EYS: variants seen among roughly 807,000 people sequenced by gnomAD.
The protein encoded by EYS is EGF-like photoreceptor maintenance factor, also known as protein eyes shut homolog.
A neutral mutation model predicts 282.1 loss-of-function variants in EYS; 250 were observed. The ratio of observed to expected loss-of-function variants is 0.89; its 90% confidence interval spans 0.80 to 0.98. The LOEUF (loss-of-function observed/expected upper bound fraction) is 0.98, where lower values mean the gene tolerates loss of function less well. Among genes scored for constraint, EYS ranks in the 50% least tolerant of loss-of-function variants. EYS has a pLI of 0.00. For synonymous variants in EYS, 1,355 were observed against 1,282.9 expected, an observed-to-expected ratio of 1.06 and a Z score of -1.20; for missense variants, 4,016 against 3,709.0, an observed-to-expected ratio of 1.08 and a Z score of -2.15.
At chr6:65,546,122 C>A (rs901201704) in intron 2 of EYS, among the ~76,000 whole-genome samples, 2 of 149,652 alleles carry the variant, frequency 1.3e-5, no homozygotes, top group Non-Finnish European at 3.0e-5. Context: ...CAGGCTCAAG[C>A]GATCCTCCAC....
intron 22 of EYS, among the ~76,000 whole-genome samples, chr6:64,768,625 C>G (rs1562181002): frequency 1.3e-5 from 2 of 152,124 alleles, no homozygotes; most frequent in South Asian, 2.1e-4. Flanking sequence ...CAGGGTAGCT[C>G]TCTGATAAAT....
Position 63,819,142 on chromosome 6 carries a change from T to G in EYS, c.7229-12770A>C, listed in dbSNP as rs319917. On this transcript the variant is annotated intron_variant, in intron 36 of 42. Coordinates refer to ENST00000503581, the MANE Select transcript of EYS (RefSeq NM_001142800.2). ...TTGTTTTCTGCTGCATCCTAAGCAC[T>G]TGGAACAGTGCCTGCCCATAGGAGG... is the stretch of plus-strand genomic sequence containing the variant. Among the ~76,000 whole-genome samples the G allele has an allele frequency of 6.3e-3, 957 of 152,316 alleles. 9 individuals carry two copies. Among genetic ancestry groups the G allele is most frequent in the African/African-American group, 0.022 (895 of 41,556 alleles).
intron 26 of EYS, among the ~76,000 whole-genome samples, chr6:64,504,458 C>A (rs1161676471): frequency 6.6e-6 from 1 of 152,152 alleles, no homozygotes; most frequent in Non-Finnish European, 1.5e-5. Flanking sequence ...ACTGCTCATT[C>A]TTTGTTCATT....
intron 26 of EYS, among the ~76,000 whole-genome samples, chr6:64,582,564 A>G (rs1436098936): frequency 6.8e-6 from 1 of 147,810 alleles, no homozygotes; most frequent in African/African-American, 2.5e-5. Context: ...CCTGCAGGCT[A>G]TAGTTTGCCA....
At chr6:64,183,143 C>G (rs1764836594) in intron 31 of EYS, among the ~76,000 whole-genome samples, 1 of 152,138 alleles carries the variant, frequency 6.6e-6, no homozygotes, top group Non-Finnish European at 1.5e-5. Context: ...CATTCTTCTC[C>G]CTCCTGCCAC....
chr6:63,759,495 T>C (rs1049880068), intron 41 of EYS, among the ~76,000 whole-genome samples: 5 of 152,106 alleles, frequency 3.3e-5, no homozygotes, highest in Non-Finnish European at 5.9e-5. Context: ...TAGCAGGTTG[T>C]ACTGAAAAGC....
At chr6:65,399,874 C>T (rs1239338389) in intron 7 of EYS, among the ~76,000 whole-genome samples, 1 of 151,988 alleles carries the variant, frequency 6.6e-6, no homozygotes, top group Non-Finnish European at 1.5e-5. Context: ...TCTGTTTTGG[C>T]TTTGTCTCCT....
At chr6:65,437,128 AC>A (rs1768103745) in intron 5 of EYS, among the ~76,000 whole-genome samples, 1 of 152,178 alleles carries the variant, frequency 6.6e-6, no homozygotes, top group South Asian at 2.1e-4. Flanking sequence ...TCTTTATACT[AC>A]AGAAAATGTT....
intron 22 of EYS, among the ~76,000 whole-genome samples, chr6:64,666,536 C>T (rs188144308): frequency 6.6e-6 from 1 of 152,302 alleles, no homozygotes; most frequent in Admixed American, 6.5e-5. Flanking sequence ...CAACTTCAAT[C>T]ACACACTTCT....
intron 14 of EYS, among the ~76,000 whole-genome samples, chr6:64,963,834 A>G (rs1770007217): frequency 1.3e-5 from 2 of 152,208 alleles, no homozygotes; most frequent in African/African-American, 2.4e-5. Context: ...AATAACATAC[A>G]GCACATATAT....
intron 33 of EYS, among the ~76,000 whole-genome samples, chr6:64,000,163 T>A (rs546969045): frequency 1.6e-4 from 20 of 127,884 alleles, no homozygotes; most frequent in African/African-American, 5.4e-4. Context: ...TCCCAAGACA[T>A]GGGACTTTTT....
intron 31 of EYS, among the ~76,000 whole-genome samples, chr6:64,198,164 A>ATTT (rs35484359): frequency 9.7e-4 from 134 of 138,692 alleles, no homozygotes; most frequent in Middle Eastern, 3.8e-3. Context: ...GGCCCGGCTA[A>ATTT]TTTTTTTTTT....
At chr6:63,853,887 G>A (rs1199970893) in intron 36 of EYS, among the ~76,000 whole-genome samples, 9 of 152,096 alleles carry the variant, frequency 5.9e-5, no homozygotes, top group Non-Finnish European at 8.8e-5. Flanking sequence ...ATGGGGAAAG[G>A]ATTCCTTATT....
At chr6:64,050,439 T>C (rs528975672) in intron 33 of EYS, among the ~76,000 whole-genome samples, 1 of 152,322 alleles carries the variant, frequency 6.6e-6, no homozygotes, top group South Asian at 2.1e-4. Flanking sequence ...GAGGGTCTTA[T>C]AGTACCTGAC....
At chr6:65,584,846 A>G (rs182712657) in intron 2 of EYS, among the ~76,000 whole-genome samples, 261 of 150,948 alleles carry the variant, frequency 1.7e-3, no homozygotes, top group Middle Eastern at 7.0e-3. Context: ...CACAAATACA[A>G]TTTACTTATA....
chr6:64,325,429 A>G (rs567215859), intron 29 of EYS, among the ~76,000 whole-genome samples: 1 of 152,318 alleles, frequency 6.6e-6, no homozygotes, highest in East Asian at 1.9e-4. Flanking sequence ...CTTTAGCCCT[A>G]GACCTTTCCT....
rs1298739470 is a variant in EYS, at chr6:63,721,103, G to T, written c.8928C>A (p.Asn2976Lys). Residue 2976 changes from asparagine to lysine, a missense_variant, in exon 43 of 43, where the codon AAC becomes AAA. Transcript: ENST00000503581. The part of the protein sequence containing the change: ...KYIDPNYRMR[N>K]LQFTTISLNF... Reference sequence around the variant, plus strand: ...TTAAGGATATAGTAGTGAACTGGAGGTTTCTCATTCTATAATTTGGATCAA... The same window carrying T: ...TTAAGGATATAGTAGTGAACTGGAGTTTTCTCATTCTATAATTTGGATCAA... The T allele has an allele frequency of 1.9e-6, 3 of 1,551,182 alleles. No individual in the cohort carries two copies. The highest frequency in any genetic ancestry group is 2.7e-5 in the African/African-American group (2 of 73,016).
At chr6:64,430,569 T>C (rs1774544268) in intron 28 of EYS, among the ~76,000 whole-genome samples, 1 of 152,212 alleles carries the variant, frequency 6.6e-6, no homozygotes, top group African/African-American at 2.4e-5. Flanking sequence ...CTAAGTGTTA[T>C]AAATTGTGTT....
intron 22 of EYS, among the ~76,000 whole-genome samples, chr6:64,689,496 C>A (rs559762432): frequency 2.0e-5 from 3 of 151,856 alleles, no homozygotes; most frequent in African/African-American, 7.3e-5. Context: ...CATATGGAAC[C>A]AAAGAAGAGC....
Sources: gnomAD v4.1 joint callset for allele counts (sites outside exome capture counted in the v4.1 genomes callset) on GRCh38, gnomAD v4.1.1 for gene constraint, MANE v1.5 for transcripts, NCBI Gene and HGNC (gene_info 2026-07-23, HGNC 2026-07-21) for gene names.